Variants in EPS8L2 observed in about 807,000 individuals in gnomAD.
EPS8L2 encodes the protein EPS8 signaling adaptor L2.
In EPS8L2, 81 loss-of-function variants were observed where a neutral mutation model predicts 99.4. That is an observed-to-expected ratio of 0.82 (90% CI 0.68 to 0.98). The LOEUF is 0.98. EPS8L2 is among the 50% of genes least tolerant of loss of function. The pLI, the probability that EPS8L2 is intolerant of heterozygous loss-of-function variation, is 0.00. For synonymous variants in EPS8L2, 509 were observed against 407.3 expected, an observed-to-expected ratio of 1.25 and a Z score of -3.01; for missense variants, 1,155 against 968.8, an observed-to-expected ratio of 1.19 and a Z score of -2.55.
intron 17 of EPS8L2, 111 bp from the exon 18 acceptor site, chr11:725,987 C>T: frequency 7.6e-7 from 1 of 1,319,046 alleles, no homozygotes; most frequent in Non-Finnish European, 1.0e-6. Context: ...AAGGAAAGGG[C>T]TGGTCCGCAG....
Position 721,218 on chromosome 11 carries a change from G to C in EPS8L2, c.700+12G>C. On this transcript the variant is annotated intron_variant, in intron 8 of 20. Coordinates refer to ENST00000318562, the MANE Select transcript of EPS8L2 (RefSeq NM_022772.4). ...ACTCAGCGAGCCAGGTGGGCCGAGGGGCTGGAGGGGGCTCCACAGGGCTCG... is the reference window on the plus strand; with the variant it reads ...ACTCAGCGAGCCAGGTGGGCCGAGGCGCTGGAGGGGGCTCCACAGGGCTCG... The C allele has an allele frequency of 6.5e-7, 1 of 1,533,082 alleles. No homozygotes were observed. Among genetic ancestry groups the C allele is most frequent in the South Asian group, 1.2e-5 (1 of 83,758 alleles). The allele number at this position is 1,533,082 out of a possible 1,614,324, so 95.0% of individuals were successfully genotyped here. A position where few individuals can be genotyped will look rare whatever the true frequency, so the allele number is the denominator to read the frequency against.
chr11:726,015 A>T (rs1862306968), intron 17 of EPS8L2, 83 bp from the exon 18 acceptor site: 5 of 849,456 alleles, frequency 5.9e-6, no homozygotes, highest in African/African-American at 5.6e-5. Context: ...CTGTAGGGGG[A>T]TTGGCGGGGT....
chr11:722,594 G>A (rs765182267), intron 13 of EPS8L2, 45 bp downstream of exon 13: 11 of 1,610,492 alleles, frequency 6.8e-6, no homozygotes, highest in African/African-American at 5.3e-5. Flanking sequence ...GGGGGCCAGC[G>A]CTGCATGGGG....
chr11:714,348 G>C (rs1313265474), intron 4 of EPS8L2, among the ~76,000 whole-genome samples: 3 of 151,428 alleles, frequency 2.0e-5, no homozygotes, highest in Non-Finnish European at 2.9e-5. Context: ...TCCTGCCTCA[G>C]CCTCCTGAGT....
intron 3 of EPS8L2, 172 bp from the exon 4 acceptor site, chr11:710,250 G>T: frequency 1.6e-6 from 1 of 629,750 alleles, no homozygotes; most frequent in Non-Finnish European, 2.9e-6. Context: ...GAGGGAGGGA[G>T]GGGGCTTCCT....
Position 724,704 on chromosome 11 carries a change from G to A in EPS8L2, c.1455-20G>A. 16 of 1,592,384 alleles carry A rather than the reference G, an allele frequency of 1.0e-5. No individual in the cohort carries two copies. The highest frequency in any genetic ancestry group is 1.4e-5 in the Non-Finnish European group (16 of 1,161,292). On this transcript the variant is annotated intron_variant, in intron 15 of 20. Coordinates refer to ENST00000318562, the MANE Select transcript of EPS8L2 (RefSeq NM_022772.4). This position sits in a 1 kb window ranked among gnomAD's most constrained non-coding sequence, Gnocchi z 5.5. ...GAGACCCCCACCAGACTGGGCCTCAGCCCCTCCTGTTCCTCACAGGGGCTA... is the reference window on the plus strand; with the variant it reads ...GAGACCCCCACCAGACTGGGCCTCAACCCCTCCTGTTCCTCACAGGGGCTA...
rs749934654 is a variant in EPS8L2, at chr11:721,709, G to A, written c.895+18G>A. 41 of 1,589,266 alleles carry A rather than the reference G, an allele frequency of 2.6e-5. No individual in the cohort carries two copies. Among genetic ancestry groups the A allele is most frequent in the South Asian group, 2.0e-4 (18 of 90,022 alleles). On this transcript the variant is annotated intron_variant, in intron 10 of 20. Transcript: ENST00000318562. ...GCCAGCAGGTGCAGGGGACAGGGAC[G>A]GGGCCGGCAGGTGCAGGGGACGGGG...
chr11:724,434 A>G lies in EPS8L2; in HGVS notation c.1455-290A>G, dbSNP rs903026000. Reference sequence around the variant, plus strand: ...GGCTCTGGTTCCCCTGGGGTGCCGGACTGGAGACCCCTGAGGTGGCCTGGG... The same window carrying G: ...GGCTCTGGTTCCCCTGGGGTGCCGGGCTGGAGACCCCTGAGGTGGCCTGGG... On this transcript the variant is annotated intron_variant, in intron 15 of 20. Coordinates refer to ENST00000318562, the MANE Select transcript of EPS8L2 (RefSeq NM_022772.4). This position sits in a 1 kb window ranked among gnomAD's most constrained non-coding sequence, Gnocchi z 5.5. 2 of 427,740 alleles carry G rather than the reference A, an allele frequency of 4.7e-6. No individual in the cohort carries two copies. Among genetic ancestry groups the G allele is most frequent in the Non-Finnish European group, 8.6e-6 (2 of 232,822 alleles). 26.5% of individuals were successfully genotyped at this position (427,740 alleles called of 1,614,324 possible). A position where few individuals can be genotyped will look rare whatever the true frequency, so the allele number is the denominator to read the frequency against.
intron 17 of EPS8L2, 39 bp from the exon 18 acceptor site, chr11:726,059 G>A (rs1245912671): frequency 6.3e-6 from 9 of 1,420,520 alleles, no homozygotes; most frequent in Non-Finnish European, 8.7e-6. Flanking sequence ...GGAGGCGGGG[G>A]CGGGGCGTGG....
chr11:724,885 A>T lies in EPS8L2; in HGVS notation c.1560+56A>T. The T allele has an allele frequency of 7.8e-7, 1 of 1,274,586 alleles. No homozygotes were observed. The highest frequency in any genetic ancestry group is 1.1e-6 in the Non-Finnish European group (1 of 879,654). 79.0% of individuals were successfully genotyped at this position (1,274,586 alleles called of 1,614,324 possible). On this transcript the variant is annotated intron_variant, in intron 16 of 20. Transcript: ENST00000318562. The surrounding 1 kb of genome is among the most constrained non-coding windows in gnomAD (Gnocchi z 5.5). ...GGGAAACAGGGCAGGGCTTCAAGGG[A>T]GGGGCTACCAGGGGAGGTGGGGAGC... is the stretch of plus-strand genomic sequence containing the variant.
chr11:714,805 T>A (rs1420222951), intron 4 of EPS8L2, among the ~76,000 whole-genome samples: 1 of 151,980 alleles, frequency 6.6e-6, no homozygotes, highest in Non-Finnish European at 1.5e-5. Context: ...TGTGGTAATA[T>A]TGTTGTTAGG....
At chr11:720,958 C>CCCGGCCGGGGAGGGGAGGAG in intron 7 of EPS8L2, 49 bp downstream of exon 7, 2 of 1,015,858 alleles carry the variant, frequency 2.0e-6, no homozygotes, top group Non-Finnish European at 1.3e-6. Context: ...AGGGGAGGAG[C>CCCGGCCGGGGAGGGGAGGAG]CCGGCAGGGG....
rs779103363 is a variant in EPS8L2 at position 720,717 on chromosome 11, G to T, written c.448G>T (p.Val150Phe). The change falls in exon 6 of 21, where the codon GTC becomes TTC. Residue 150 changes from valine (V) to phenylalanine (F), a missense_variant. Coordinates refer to ENST00000318562, the MANE Select transcript of EPS8L2 (RefSeq NM_022772.4). ...GGACTCGGAGCAGAGCAAGCCGGATGTCCACTTCTTCCACTGCGATGAGGT... is the reference window on the plus strand; with the variant it reads ...GGACTCGGAGCAGAGCAAGCCGGATTTCCACTTCTTCCACTGCGATGAGGT... ...CQDSEQSKPD[V>F]HFFHCDEVEA... The T allele has an allele frequency of 1.3e-6, 2 of 1,591,074 alleles. No individual in the cohort carries two copies. Among genetic ancestry groups the T allele is most frequent in the Non-Finnish European group, 1.7e-6 (2 of 1,170,026 alleles).
At chr11:709,693 C>A in intron 3 of EPS8L2, 85 bp downstream of exon 3, 2 of 1,476,034 alleles carry the variant, frequency 1.4e-6, no homozygotes, top group Non-Finnish European at 1.9e-6. Flanking sequence ...TCCTGCCCCA[C>A]AGCTGTGCCT....
intron 4 of EPS8L2, among the ~76,000 whole-genome samples, chr11:713,640 GTTCAAGTGA>G (rs938097614): frequency 6.6e-6 from 1 of 152,214 alleles, no homozygotes; most frequent in African/African-American, 2.4e-5. Context: ...CGCCTCAAGG[GTTCAAGTGA>G]TTCTCCTGCC....
chr11:712,225 G>A (rs1035458652), intron 4 of EPS8L2, among the ~76,000 whole-genome samples: 1 of 152,024 alleles, frequency 6.6e-6, no homozygotes, highest in East Asian at 1.9e-4. Context: ...AATGGAGGTT[G>A]CAGTGAGCCG....
chr11:723,805 C>G (rs1862252121), intron 15 of EPS8L2, among the ~76,000 whole-genome samples: 1 of 151,702 alleles, frequency 6.6e-6, no homozygotes, highest in South Asian at 2.1e-4. Flanking sequence ...AAAGAACAAG[C>G]CTATGGCACT....
chr11:713,704 C>A (rs536263882), intron 4 of EPS8L2, among the ~76,000 whole-genome samples: 5 of 152,348 alleles, frequency 3.3e-5, no homozygotes, highest in African/African-American at 9.6e-5. Context: ...ACCACCACAC[C>A]CAGCTAATTT....
At chr11:726,525 G>T (rs1249942381) in intron 19 of EPS8L2, 41 bp downstream of exon 19, 2 of 1,518,094 alleles carry the variant, frequency 1.3e-6, no homozygotes, top group Non-Finnish European at 1.8e-6. Flanking sequence ...CGGGCGAGGG[G>T]TGGGAGGTGC....
Sources: allele counts gnomAD v4.1 joint callset (sites outside exome capture counted in the v4.1 genomes callset), GRCh38; gene constraint gnomAD v4.1.1; non-coding constraint Gnocchi (gnomAD v3.1); transcripts MANE v1.5; gene names NCBI Gene and HGNC (gene_info 2026-07-23, HGNC 2026-07-21).